ZNF541: variants seen among roughly 807,000 people sequenced by gnomAD.
ZNF541 encodes the protein zinc finger protein 541.
ZNF541 carries 23 observed loss-of-function variants against 123.5 expected under a neutral mutation model. The ratio of observed to expected loss-of-function variants is 0.19; its 90% CI spans 0.13 to 0.26. The LOEUF is 0.26. Ranked by LOEUF, ZNF541 falls within the 10% of genes least tolerant of loss-of-function variation. The pLI, the probability that ZNF541 is intolerant of heterozygous loss-of-function variation, is 1.00. For synonymous variants in ZNF541, 751 were observed against 754.5 expected, an observed-to-expected ratio of 1.00 and a Z score of 0.08; for missense variants, 1,612 against 1,789.9, an observed-to-expected ratio of 0.90 and a Z score of 1.79.
chr19:47,533,010 C>G (rs1393449937), intron 9 of ZNF541, 38 bp from the exon 10 acceptor site: 4 of 1,534,348 alleles, frequency 2.6e-6, no homozygotes, highest in Admixed American at 2.0e-5. Context: ...AGAAGACAGA[C>G]AGCAGGTAAC....
chr19:47,554,913 A>T (rs111802642), intron 3 of ZNF541, among the ~76,000 whole-genome samples: 8,669 of 151,526 alleles, frequency 0.057, 306 homozygotes, highest in Non-Finnish European at 0.088. Context: ...GGCCAATATG[A>T]TGAAACCCCA....
chr19:47,540,406 T>G (rs2123076415), intron 6 of ZNF541, 71 bp from the exon 7 acceptor site: 5 of 1,435,974 alleles, frequency 3.5e-6, no homozygotes, highest in African/African-American at 1.5e-5. Context: ...TTTTGTTGTT[T>G]TTTTTTCTTT....
rs983962912 is a variant in ZNF541 at position 47,520,845 on chromosome 19, C to G, written c.*379G>C. 1.1e-5 allele frequency: 2 copies of G among 184,986 alleles called. No homozygotes were observed. Among genetic ancestry groups the G allele is most frequent in the East Asian group, 2.8e-4 (2 of 7,238 alleles). The allele number at this position is 184,986 out of a possible 1,614,324, so 11.5% of individuals were successfully genotyped here. A position where few individuals can be genotyped will look rare whatever the true frequency, so the allele number is the denominator to read the frequency against. ...TTGGAGATCTCAAGGTTTTTTCCCA[C>G]TGATTCTCTAAGTCTTGGCCTTATC... On this transcript the variant is annotated 3_prime_UTR_variant, in exon 17 of 17. Coordinates refer to ENST00000391901, the MANE Select transcript of ZNF541 (RefSeq NM_001277075.3).
At chr19:47,531,461 C>G (rs1969568346) in intron 12 of ZNF541, among the ~76,000 whole-genome samples, 181 bp downstream of exon 12, 1 of 151,964 alleles carries the variant, frequency 6.6e-6, no homozygotes, top group Non-Finnish European at 1.5e-5. Flanking sequence ...GGGCCCACGT[C>G]TTAGCATTCC....
At chr19:47,530,211 C>G (rs1969499377) in intron 12 of ZNF541, among the ~76,000 whole-genome samples, 1 of 151,344 alleles carries the variant, frequency 6.6e-6, no homozygotes, top group African/African-American at 2.4e-5. Context: ...CTCTGTCACC[C>G]AGGCTGGAGT....
At chr19:47,567,542 G>A (rs559338828) in intron 2 of ZNF541, among the ~76,000 whole-genome samples, 1 of 152,364 alleles carries the variant, frequency 6.6e-6, no homozygotes, top group East Asian at 1.9e-4. Context: ...TTACAGGCGT[G>A]CGCCACCGCG....
chr19:47,558,897 C>T (rs1040876629), intron 2 of ZNF541, among the ~76,000 whole-genome samples: 5 of 151,796 alleles, frequency 3.3e-5, no homozygotes, highest in African/African-American at 1.2e-4. Context: ...GGTGCCCGCC[C>T]CCGCGCCCGG....
rs750035536 is a variant in ZNF541 at position 47,521,729 on chromosome 19, C to T, written c.3712-75G>A. On this transcript the variant is annotated intron_variant, in intron 15 of 16. Coordinates refer to ENST00000391901, the MANE Select transcript of ZNF541 (RefSeq NM_001277075.3). This position sits in a 1 kb window ranked among gnomAD's most constrained non-coding sequence, Gnocchi z 4.2. ...AGAGAGACACAGAGCTGGGGGCATA[C>T]GTGTCTCCTGCAGGAAAACCCTTCC... 8.5e-6 allele frequency: 13 copies of T among 1,523,320 alleles called. No individual in the cohort carries two copies. The South Asian group carries it at 8.7e-5, about 10-fold the overall frequency. The allele number at this position is 1,523,320 out of a possible 1,614,324, so 94.4% of individuals were successfully genotyped here.
At position 47,539,972 on chromosome 19, in the gene ZNF541, G is replaced by A. The variant is rs937800472; in HGVS notation, c.2623-94C>T. On this transcript the variant is annotated intron_variant, in intron 7 of 16. Coordinates refer to ENST00000391901, the MANE Select transcript of ZNF541 (RefSeq NM_001277075.3). Reference sequence around the variant, plus strand: ...GCAAAAAAAGCTGTCATAGAAAACAGCAGTGAGTCTGTGGCATGGACCAAG... The same window carrying A: ...GCAAAAAAAGCTGTCATAGAAAACAACAGTGAGTCTGTGGCATGGACCAAG... The A allele has an allele frequency of 1.1e-5, 16 of 1,487,890 alleles. No homozygotes were observed. In the Admixed American group the frequency reaches 2.7e-4, roughly 25 times the overall value. 92.2% of individuals were successfully genotyped at this position (1,487,890 alleles called of 1,614,324 possible).
rs1010704829 is a variant in ZNF541 at position 47,544,665 on chromosome 19, C to T, written c.1864G>A (p.Gly622Ser). The T allele has an allele frequency of 2.6e-6, 4 of 1,538,428 alleles. No homozygotes were observed. The Admixed American group carries it at 6.0e-5, about 23-fold the overall frequency. Reference protein sequence around the residue: ...HAGPGNPEAEGSPARRRKTTP... With the variant: ...HAGPGNPEAESSPARRRKTTP... ...GTTTTTCTCCTGCGGGCTGGGGAGC[C>T]CTCTGCCTCGGGGTTTCCAGGGCCG... The change falls in exon 5 of 17, where the codon GGC becomes AGC. Residue 622 changes from glycine to serine, a missense_variant. By Grantham distance (56) the Gly-to-Ser change is moderately conservative. This residue lies in a region of ZNF541 where 1,080 missense variants were observed against 1,013.8 expected (regional missense o/e 1.07). Coordinates refer to ENST00000391901, the MANE Select transcript of ZNF541 (RefSeq NM_001277075.3).
intron 1 of ZNF541, among the ~76,000 whole-genome samples, chr19:47,572,483 A>C (rs977956873): frequency 3.3e-5 from 5 of 152,198 alleles, no homozygotes; most frequent in Non-Finnish European, 7.3e-5. Flanking sequence ...GATGAAAAAA[A>C]ACTGGGTTAA....
rs779133745 is a variant in ZNF541 at position 47,545,242 on chromosome 19, G to A, written c.1287C>T (p.Asn429=). 3.6e-5 allele frequency: 55 copies of A among 1,548,022 alleles called. No homozygotes were observed. Among genetic ancestry groups the A allele is most frequent in the Non-Finnish European group, 4.8e-5 (55 of 1,146,546 alleles). Residue 429 remains asparagine, a synonymous_variant, in exon 5 of 17, where the codon AAC becomes AAT. Coordinates refer to ENST00000391901, the MANE Select transcript of ZNF541 (RefSeq NM_001277075.3). The surrounding 1 kb of genome is among the most constrained non-coding windows in gnomAD (Gnocchi z 7.5). Reference sequence around the variant, plus strand: ...CCGAGGGCTTGTGGACAACAAACACGTTGTTGCCTTTGCTTTTGGGACAGC... The same window carrying A: ...CCGAGGGCTTGTGGACAACAAACACATTGTTGCCTTTGCTTTTGGGACAGC... ...LPGCPKSKGN[N]VFVVHKPSAV...
chr19:47,531,992 G>C (rs1374173975), intron 11 of ZNF541, 136 bp downstream of exon 11: 1 of 1,231,916 alleles, frequency 8.1e-7, no homozygotes, highest in African/African-American at 1.5e-5. Flanking sequence ...CGCTGGCCAA[G>C]AGCCAGCTCC....
At chr19:47,557,948 A>C (rs542362369) in intron 2 of ZNF541, among the ~76,000 whole-genome samples, 1 of 152,132 alleles carries the variant, frequency 6.6e-6, no homozygotes, top group Non-Finnish European at 1.5e-5. Context: ...AATAAACCAC[A>C]TAACATCTAA....
rs949839998 is a variant in ZNF541 at position 47,525,130 on chromosome 19, C to CA, written c.3571-3137dup. ...TGAAACCCTGTCTCTACTAAAAATA[C>CA]AAAAATTAGCCAGGTGTGGTTGTGC... On this transcript the variant is annotated intron_variant, in intron 14 of 16. Coordinates refer to ENST00000391901, the MANE Select transcript of ZNF541 (RefSeq NM_001277075.3). 6.0e-4 allele frequency among the ~76,000 whole-genome samples: 91 copies of CA among 152,018 alleles called. 1 individual carries two copies. The highest frequency in any genetic ancestry group is 2.1e-3 in the African/African-American group (88 of 41,450).
At chr19:47,565,649 T>C (rs1042655108) in intron 2 of ZNF541, among the ~76,000 whole-genome samples, 5 of 152,158 alleles carry the variant, frequency 3.3e-5, no homozygotes, top group African/African-American at 9.7e-5. Context: ...GGCAAAGTAA[T>C]TGTTTCAAGG....
intron 14 of ZNF541, among the ~76,000 whole-genome samples, chr19:47,526,581 C>G (rs369710266): frequency 2.6e-5 from 4 of 151,188 alleles, no homozygotes; most frequent in African/African-American, 9.7e-5. Flanking sequence ...AGACAGCAAA[C>G]AGGCCCATGA....
At chr19:47,530,991 G>A (rs1374324336) in intron 12 of ZNF541, among the ~76,000 whole-genome samples, 1 of 152,126 alleles carries the variant, frequency 6.6e-6, no homozygotes, top group East Asian at 1.9e-4. Flanking sequence ...TAAACCAAGC[G>A]TGGAGCCCCT....
chr19:47,543,858 G>C (rs1970186725), intron 5 of ZNF541, among the ~76,000 whole-genome samples: 1 of 151,996 alleles, frequency 6.6e-6, no homozygotes, highest in South Asian at 2.1e-4. Context: ...TGCCTAGGCT[G>C]ATCTCGAACT....
Sources: gnomAD v4.1 joint callset for allele counts (sites outside exome capture counted in the v4.1 genomes callset) on GRCh38, gnomAD v4.1.1 for gene constraint, gnomAD v4.1.1 regional missense constraint, Gnocchi (gnomAD v3.1) non-coding constraint, MANE v1.5 for transcripts, NCBI Gene and HGNC (gene_info 2026-07-23, HGNC 2026-07-21) for gene names.